The following NCKAP1 variants were observed in gnomAD, a reference collection of about 807,000 sequenced individuals.
The protein encoded by NCKAP1 is nck-associated protein 1.
Under a neutral mutation model 151.2 loss-of-function variants are expected in NCKAP1, and 21 were observed. The ratio of observed to expected loss-of-function variants is 0.14; its 90% confidence interval spans 0.10 to 0.20. The LOEUF is 0.20. NCKAP1 is among the 10% of genes least tolerant of loss of function. The pLI, the probability that NCKAP1 is intolerant of heterozygous loss-of-function variation, is 1.00. For missense variants in NCKAP1, 933 were observed against 1,352.1 expected, an observed-to-expected ratio of 0.69 and a Z score of 4.86; for synonymous variants, 484 against 451.8, an observed-to-expected ratio of 1.07 and a Z score of -0.90.
chr2:182,952,346 C>T (rs953897504), intron 23 of NCKAP1, 59 bp downstream of exon 23: 5 of 1,092,848 alleles, frequency 4.6e-6, no homozygotes, highest in Admixed American at 2.2e-5. Context: ...TGCTCATATC[C>T]CTGAAATGTT....
In NCKAP1 at chr2:182,917,436, T is replaced by C. The variant is rs1205570864; in HGVS notation, c.*8266A>G. On this transcript the variant is annotated 3_prime_UTR_variant, in exon 31 of 31. Coordinates refer to ENST00000361354, the MANE Select transcript of NCKAP1 (RefSeq NM_013436.5). Reference sequence around the variant, plus strand: ...CGCCACATATGTTAATTTGGTTAAATTACCTAACTCTTGAATAGGTTGAAC... The same window carrying C: ...CGCCACATATGTTAATTTGGTTAAACTACCTAACTCTTGAATAGGTTGAAC... 1 of 152,230 alleles carries C rather than the reference T, an allele frequency of 6.6e-6. No homozygotes were observed. Among genetic ancestry groups the C allele is most frequent in the Non-Finnish European group, 1.5e-5 (1 of 68,038 alleles). 9.4% of individuals were successfully genotyped at this position (152,230 alleles called of 1,614,324 possible). A position where few individuals can be genotyped will look rare whatever the true frequency, so the allele number is the denominator to read the frequency against.
intron 2 of NCKAP1, among the ~76,000 whole-genome samples, chr2:183,015,118 A>G (rs1447103004): frequency 6.6e-6 from 1 of 152,226 alleles, no homozygotes; most frequent in African/African-American, 2.4e-5. Flanking sequence ...TTTGAGTTGA[A>G]GAGGTTATGA....
rs1340603678 is a variant in NCKAP1, at chr2:182,912,732, G to C, written c.*12970C>G. ...TCCTTCGTCATTGAAACTAATACAC[G>C]CTCTAACCTTTATAGCTTTTCACTT... On this transcript the variant is annotated 3_prime_UTR_variant, in exon 31 of 31. Coordinates refer to ENST00000361354, the MANE Select transcript of NCKAP1 (RefSeq NM_013436.5). The C allele has an allele frequency of 6.6e-6, 1 of 152,144 alleles. No individual in the cohort carries two copies. Among genetic ancestry groups the C allele is most frequent in the Non-Finnish European group, 1.5e-5 (1 of 68,034 alleles). The allele number at this position is 152,144 out of a possible 1,614,324, so 9.4% of individuals were successfully genotyped here. A position where few individuals can be genotyped will look rare whatever the true frequency, so the allele number is the denominator to read the frequency against.
chr2:182,912,673 T>C lies in NCKAP1; in HGVS notation c.*13029A>G, dbSNP rs1331683965. The stretch of plus-strand genomic sequence containing the variant: ...AGCCATAATAAAAATGGAATTTGAA[T>C]GTTAGAGTGCAACCTGACAAAATGA... On this transcript the variant is annotated 3_prime_UTR_variant, in exon 31 of 31. Coordinates refer to ENST00000361354, the MANE Select transcript of NCKAP1 (RefSeq NM_013436.5). 6 of 152,246 alleles carry C rather than the reference T, an allele frequency of 3.9e-5. No homozygotes were observed. Among genetic ancestry groups the C allele is most frequent in the South Asian group, 2.1e-4 (1 of 4,832 alleles). 9.4% of individuals were successfully genotyped at this position (152,246 alleles called of 1,614,324 possible).
intron 2 of NCKAP1, 21 bp from the exon 3 acceptor site, chr2:183,003,346 T>C (rs753884650): frequency 1.4e-6 from 2 of 1,405,498 alleles, no homozygotes; most frequent in Non-Finnish European, 2.0e-6. Flanking sequence ...AAAATTAGAA[T>C]GCATTGCTCA....
At chr2:182,984,423 G>GGGGTGTGTGTGTGTGTGT (rs984252600) in intron 10 of NCKAP1, among the ~76,000 whole-genome samples, 1 of 144,282 alleles carries the variant, frequency 6.9e-6, no homozygotes, top group African/African-American at 2.5e-5. Context: ...TTTAGATTGG[G>GGGGTGTGTGTGTGTGTGT]GTGTGTGTGT....
intron 2 of NCKAP1, among the ~76,000 whole-genome samples, chr2:183,020,201 G>T (rs142135312): frequency 0.013 from 1,909 of 152,156 alleles, 27 homozygotes; most frequent in Non-Finnish European, 0.022. Context: ...GGTGACTCAA[G>T]CCTGTAATCC....
chr2:182,941,244 C>T (rs1321885642), intron 24 of NCKAP1, among the ~76,000 whole-genome samples: 4 of 151,434 alleles, frequency 2.6e-5, no homozygotes, highest in Non-Finnish European at 5.9e-5. Context: ...AAGAAAATAA[C>T]ATTAGATCAA....
rs59224919 is a variant in NCKAP1 at position 182,910,958 on chromosome 2, C to CCCCCCCCCTTT, written c.*14743_*14744insAAAGGGGGGGG. On this transcript the variant is annotated 3_prime_UTR_variant, in exon 31 of 31. Coordinates refer to ENST00000361354, the MANE Select transcript of NCKAP1 (RefSeq NM_013436.5). ...AAAATAAAATCCTAAGCTCCCCCCC[C>CCCCCCCCCTTT]ACATTTGACTAAACAGACCCTCTCC... 1 of 147,886 alleles carries CCCCCCCCCTTT rather than the reference C, an allele frequency of 6.8e-6. No homozygotes were observed. Among genetic ancestry groups the CCCCCCCCCTTT allele is most frequent in the African/African-American group, 2.5e-5 (1 of 40,374 alleles). The allele number at this position is 147,886 out of a possible 1,614,324, so 9.2% of individuals were successfully genotyped here.
intron 1 of NCKAP1, among the ~76,000 whole-genome samples, chr2:183,029,851 G>GA (rs150047796): frequency 7.5e-5 from 11 of 147,434 alleles, no homozygotes; most frequent in South Asian, 4.3e-4. Context: ...GAGAGAGAAG[G>GA]AAAAAAAACA....
In NCKAP1 at chr2:182,994,875, A is replaced by G. The variant is rs1363403565; in HGVS notation, c.754T>C (p.Tyr252His). 8 of 1,606,370 alleles carry G rather than the reference A, an allele frequency of 5.0e-6. No individual in the cohort carries two copies. The highest frequency in any genetic ancestry group is 1.3e-5 in the African/African-American group (1 of 74,848). Residue 252 changes from tyrosine to histidine, a missense_variant, in exon 8 of 31, where the codon TAC (tyrosine) becomes CAC (histidine). Transcript: ENST00000361354. ...TTTTCCATTGCATCCAAAGAGAGGT[A>G]TTCACAAGGCATCTTAAAAAGAGAA... is the stretch of plus-strand genomic sequence containing the variant. ...PAQSDTMPCE[Y>H]LSLDAMEKWI... is the part of the protein sequence containing the mutation.
At chr2:182,974,259 T>TAA (rs1173365320) in intron 15 of NCKAP1, among the ~76,000 whole-genome samples, 112 of 63,226 alleles carry the variant, frequency 1.8e-3, no homozygotes, top group African/African-American at 3.2e-3. Flanking sequence ...CTGTTGTCAC[T>TAA]AAAAAAAAAA....
intron 15 of NCKAP1, among the ~76,000 whole-genome samples, chr2:182,975,073 G>A (rs916434311): frequency 6.6e-6 from 1 of 152,166 alleles, no homozygotes; most frequent in Non-Finnish European, 1.5e-5. Flanking sequence ...ACCCAGAACA[G>A]GAGATTGAAG....
chr2:182,972,247 A>AAAAAC (rs1697715067), intron 15 of NCKAP1, among the ~76,000 whole-genome samples: 3 of 94,608 alleles, frequency 3.2e-5, no homozygotes, highest in Admixed American at 1.1e-4. Flanking sequence ...AAAAAAAAAC[A>AAAAAC]AAACTGATTT....
At chr2:182,945,182 C>T (rs1697075562) in intron 23 of NCKAP1, among the ~76,000 whole-genome samples, 1 of 151,968 alleles carries the variant, frequency 6.6e-6, no homozygotes, top group Admixed American at 6.6e-5. Context: ...TTGTAGTGAG[C>T]TGAGATTGTG....
intron 8 of NCKAP1, among the ~76,000 whole-genome samples, 175 bp from the exon 9 acceptor site, chr2:182,989,361 T>C (rs1461798319): frequency 6.6e-6 from 1 of 152,200 alleles, no homozygotes; most frequent in Non-Finnish European, 1.5e-5. Context: ...TTTCCAATTA[T>C]AATTTTCTGT....
At chr2:182,972,193 G>A (rs1575039431) in intron 15 of NCKAP1, among the ~76,000 whole-genome samples, 1 of 51,024 alleles carries the variant, frequency 2.0e-5, no homozygotes, top group African/African-American at 7.8e-5. Context: ...TTAACAATCA[G>A]AATATATAAG....
At chr2:182,949,784 G>A (rs1314838999) in intron 23 of NCKAP1, among the ~76,000 whole-genome samples, 1 of 152,202 alleles carries the variant, frequency 6.6e-6, no homozygotes, top group Admixed American at 6.5e-5. Context: ...GACACAGCAA[G>A]ACTCTGTCTC....
chr2:183,024,425 G>T (rs1698850208), intron 1 of NCKAP1, among the ~76,000 whole-genome samples: 1 of 152,118 alleles, frequency 6.6e-6, no homozygotes, highest in South Asian at 2.1e-4. Flanking sequence ...TAGTGCTAAG[G>T]TGTGTTGTCT....
Sources: gnomAD v4.1 joint callset for allele counts (sites outside exome capture counted in the v4.1 genomes callset) on GRCh38, gnomAD v4.1.1 for gene constraint, MANE v1.5 for transcripts, NCBI Gene and HGNC (gene_info 2026-07-23, HGNC 2026-07-21) for gene names.